The following TMEM150C variants were observed in gnomAD, a reference collection of about 807,000 sequenced individuals.
TMEM150C encodes tentonin 3.
In TMEM150C, 10 loss-of-function variants were observed where a neutral mutation model predicts 29.9. That is an observed-to-expected ratio of 0.33 (90% CI 0.21 to 0.57). The LOEUF (loss-of-function observed/expected upper bound fraction) is 0.57. TMEM150C is among the 20% of genes least tolerant of loss of function. The probability of loss-of-function intolerance (pLI) is 0.88; values close to 1 mark genes in which losing one functional copy is unlikely to be tolerated. For synonymous variants in TMEM150C, 101 were observed against 112.5 expected, an observed-to-expected ratio of 0.90 and a Z score of 0.64; for missense variants, 251 against 303.6, an observed-to-expected ratio of 0.83 and a Z score of 1.29.
intron 1 of TMEM150C, among the ~76,000 whole-genome samples, chr4:82,528,198 CTGCAGGTGA>C (rs1724716204): frequency 6.6e-6 from 1 of 152,182 alleles, no homozygotes; most frequent in Non-Finnish European, 1.5e-5. Flanking sequence ...AGGGAAGGCT[CTGCAGGTGA>C]AGCAGCACTG....
chr4:82,492,170 C>T (rs1723375627), intron 6 of TMEM150C, among the ~76,000 whole-genome samples: 2 of 151,280 alleles, frequency 1.3e-5, no homozygotes, highest in Admixed American at 1.3e-4. Context: ...ACTCTGTCAC[C>T]CAGGCTGGAG....
intron 1 of TMEM150C, among the ~76,000 whole-genome samples, chr4:82,539,484 G>T (rs1015780294): frequency 1.2e-4 from 18 of 148,836 alleles, no homozygotes; most frequent in African/African-American, 4.3e-4. Flanking sequence ...ACAGAGTCTC[G>T]CTCTGTCGCC....
intron 1 of TMEM150C, among the ~76,000 whole-genome samples, chr4:82,532,481 A>G (rs1724878063): frequency 2.0e-5 from 3 of 152,210 alleles, no homozygotes; most frequent in Admixed American, 2.0e-4. Context: ...AAGACAGCAA[A>G]ATTAACATGA....
chr4:82,528,684 T>C (rs1482699920), intron 1 of TMEM150C, among the ~76,000 whole-genome samples: 1 of 150,980 alleles, frequency 6.6e-6, no homozygotes, highest in Non-Finnish European at 1.5e-5. Flanking sequence ...CTGCAACCTC[T>C]GCCTCCTGGG....
At chr4:82,515,751 AAG>A (rs1724276657) in intron 1 of TMEM150C, among the ~76,000 whole-genome samples, 1 of 151,866 alleles carries the variant, frequency 6.6e-6, no homozygotes, top group Non-Finnish European at 1.5e-5. Flanking sequence ...AAAAAAAAAA[AAG>A]AATCTCTTCT....
At chr4:82,504,897 G>T (rs1723862434) in intron 1 of TMEM150C, among the ~76,000 whole-genome samples, 4 of 152,112 alleles carry the variant, frequency 2.6e-5, no homozygotes. Context: ...GGGCGTGGTG[G>T]CGGGCGCCTG....
At chr4:82,511,470 C>CTCTTTTTTTT (rs1484556334) in intron 1 of TMEM150C, among the ~76,000 whole-genome samples, 1 of 72,630 alleles carries the variant, frequency 1.4e-5, no homozygotes, top group Non-Finnish European at 2.4e-5. Context: ...TGTCCCAACA[C>CTCTTTTTTTT]TATTTTTTTT....
Position 82,484,262 on chromosome 4 carries a change from A to G in TMEM150C, c.*1249T>C, listed in dbSNP as rs1271347531. 6.6e-6 allele frequency: 1 copy of G among 151,938 alleles called. No homozygotes were observed. The highest frequency in any genetic ancestry group is 2.4e-5 in the African/African-American group (1 of 41,336). 9.4% of individuals were successfully genotyped at this position (151,938 alleles called of 1,614,324 possible). On this transcript the variant is annotated 3_prime_UTR_variant, in exon 8 of 8. Coordinates refer to ENST00000449862, the MANE Select transcript of TMEM150C (RefSeq NM_001080506.3). Reference sequence around the variant, plus strand: ...ATGAAGCACAGTCTCATAAGCCCACACCTACGGTCTGAGTTCTGAACTCTC... The same window carrying G: ...ATGAAGCACAGTCTCATAAGCCCACGCCTACGGTCTGAGTTCTGAACTCTC...
intron 1 of TMEM150C, among the ~76,000 whole-genome samples, chr4:82,551,881 A>G (rs918555142): frequency 6.6e-6 from 1 of 152,150 alleles, no homozygotes; most frequent in African/African-American, 2.4e-5. Context: ...GATCCCTCCA[A>G]ACCTTATGTT....
At chr4:82,501,217 A>G (rs1723726810) in intron 5 of TMEM150C, among the ~76,000 whole-genome samples, 1 of 152,256 alleles carries the variant, frequency 6.6e-6, no homozygotes, top group African/African-American at 2.4e-5. Context: ...GAGCACGTAT[A>G]AAGCTCCTGG....
At chr4:82,492,864 G>GTGTGTGTATATATATA (rs71666742) in intron 6 of TMEM150C, among the ~76,000 whole-genome samples, 1 of 90,288 alleles carries the variant, frequency 1.1e-5, no homozygotes, top group Non-Finnish European at 2.2e-5. Context: ...ATATGTTTGT[G>GTGTGTGTATATATATA]TATATATATA....
intron 1 of TMEM150C, among the ~76,000 whole-genome samples, chr4:82,537,006 G>A (rs1372501536): frequency 6.6e-6 from 1 of 152,068 alleles, no homozygotes; most frequent in African/African-American, 2.4e-5. Flanking sequence ...TTTTGAGACT[G>A]GATCTCACTC....
intron 1 of TMEM150C, among the ~76,000 whole-genome samples, chr4:82,532,269 AT>A (rs1288568873): frequency 2.0e-5 from 3 of 152,236 alleles, no homozygotes; most frequent in Non-Finnish European, 4.4e-5. Context: ...ATATTTCTGG[AT>A]TTGTCAAATA....
At chr4:82,523,976 C>G (rs1459668376) in intron 1 of TMEM150C, among the ~76,000 whole-genome samples, 1 of 151,880 alleles carries the variant, frequency 6.6e-6, no homozygotes. Context: ...GCCACTACAC[C>G]TGGCCTCAAA....
At chr4:82,514,574 C>G (rs576538035) in intron 1 of TMEM150C, among the ~76,000 whole-genome samples, 25 of 152,222 alleles carry the variant, frequency 1.6e-4, no homozygotes, top group Admixed American at 5.2e-4. Context: ...TTCACTGATT[C>G]TTGGTGGTCA....
chr4:82,526,845 C>T (rs1724667883), intron 1 of TMEM150C, among the ~76,000 whole-genome samples: 1 of 152,094 alleles, frequency 6.6e-6, no homozygotes, highest in Non-Finnish European at 1.5e-5. Flanking sequence ...GTAAAGACTA[C>T]ATACTGAGCG....
chr4:82,533,367 A>G (rs1405581709), intron 1 of TMEM150C, among the ~76,000 whole-genome samples: 3 of 152,250 alleles, frequency 2.0e-5, no homozygotes, highest in Non-Finnish European at 4.4e-5. Context: ...AAAATTATGG[A>G]AAGCTACTCA....
chr4:82,523,339 TC>T, intron 1 of TMEM150C, among the ~76,000 whole-genome samples: 1 of 152,258 alleles, frequency 6.6e-6, no homozygotes, highest in Admixed American at 6.5e-5. Flanking sequence ...TGCATAGGGC[TC>T]AGGGGATTGG....
rs1015882490 is a variant in TMEM150C at position 82,484,394 on chromosome 4, T to G, written c.*1117A>C. 6.9e-6 allele frequency: 1 copy of G among 145,388 alleles called. No homozygotes were observed. Among genetic ancestry groups the G allele is most frequent in the African/African-American group, 2.6e-5 (1 of 38,400 alleles). 9.0% of individuals were successfully genotyped at this position (145,388 alleles called of 1,614,324 possible). The stretch of plus-strand genomic sequence containing the variant: ...TAATTGGCTTCTACAAATTCCAAAT[T>G]TGAAAAGCCCTTAATCCAAAAAAAA... On this transcript the variant is annotated 3_prime_UTR_variant, in exon 8 of 8. Coordinates refer to ENST00000449862, the MANE Select transcript of TMEM150C (RefSeq NM_001080506.3).
Sources: allele counts gnomAD v4.1 joint callset (sites outside exome capture counted in the v4.1 genomes callset), GRCh38; gene constraint gnomAD v4.1.1; transcripts MANE v1.5; gene names NCBI Gene and HGNC (gene_info 2026-07-23, HGNC 2026-07-21).